ANKRD62: variants seen among roughly 807,000 people sequenced by gnomAD.
ANKRD62 encodes the protein ankyrin repeat domain-containing protein 62.
ANKRD62 carries 61 observed loss-of-function variants against 98.8 expected under a neutral mutation model. The observed-to-expected ratio is 0.62, with a 90% CI of 0.50 to 0.76. The LOEUF is 0.76. Ranked by LOEUF, ANKRD62 falls within the 30% of genes least tolerant of loss-of-function variation. The pLI is 0.00. For synonymous variants in ANKRD62, 341 were observed against 367.9 expected, an observed-to-expected ratio of 0.93 and a Z score of 0.84; for missense variants, 933 against 1,082.9, an observed-to-expected ratio of 0.86 and a Z score of 1.94.
the ANKRD62 span, among the ~76,000 whole-genome samples, chr18:12,141,140 G>A: frequency 4.6e-5 from 7 of 152,252 alleles, no homozygotes; most frequent in African/African-American, 1.4e-4. Flanking sequence ...TGTGGGCGTA[G>A]GACTCTCCGA....
In ANKRD62 at chr18:12,105,677, C is replaced by T. The variant is rs147304701; in HGVS notation, c.892-1618C>T. ...CTTATGAAAAGCTCTTACATAAAATCGGGTTATCTATATACATAATTGTGC... is the reference window on the plus strand; with the variant it reads ...CTTATGAAAAGCTCTTACATAAAATTGGGTTATCTATATACATAATTGTGC... On this transcript the variant is annotated intron_variant, in intron 7 of 13. Transcript: ENST00000587848. Among the ~76,000 whole-genome samples, 401 of 151,252 alleles carry T rather than the reference C, an allele frequency of 2.7e-3. 2 individuals carry two copies. Among genetic ancestry groups the T allele is most frequent in the African/African-American group, 8.9e-3 (368 of 41,196 alleles).
chr18:12,098,004 T>A (rs1355093060), intron 5 of ANKRD62, among the ~76,000 whole-genome samples: 1 of 152,324 alleles, frequency 6.6e-6, no homozygotes, highest in Non-Finnish European at 1.5e-5. Context: ...CTATGCTTAG[T>A]TATTCTGTGA....
the ANKRD62 span, among the ~76,000 whole-genome samples, chr18:12,146,495 G>A: frequency 6.6e-6 from 1 of 152,170 alleles, no homozygotes; most frequent in East Asian, 1.9e-4. Flanking sequence ...TCCCAGGCTG[G>A]AGTGCAGTGG....
At chr18:12,114,179 ATAAC>A (rs1909608975) in intron 8 of ANKRD62, among the ~76,000 whole-genome samples, 1 of 152,120 alleles carries the variant, frequency 6.6e-6, no homozygotes, top group Non-Finnish European at 1.5e-5. Flanking sequence ...ATCAGGAAGA[ATAAC>A]TAATGAGTAC....
Position 12,115,450 on chromosome 18 carries a change from A to C in ANKRD62, c.1156A>C (p.Lys386Gln). ...DLNDISGSSEKTSEDDELPYS... is the reference protein window; with the variant it reads ...DLNDISGSSEQTSEDDELPYS... Reference sequence around the variant, plus strand: ...TAATGACATAAGTGGGTCATCTGAAAAAACCTCAGAGGATGATGAGTTGCC... The same window carrying C: ...TAATGACATAAGTGGGTCATCTGAACAAACCTCAGAGGATGATGAGTTGCC... The change falls in exon 10 of 14, where the codon AAA becomes CAA. Residue 386 changes from lysine (K) to glutamine (Q), a missense_variant. Lys to Gln is a moderately conservative substitution (Grantham distance 53). Coordinates refer to ENST00000587848, the MANE Select transcript of ANKRD62 (RefSeq NM_001277333.2). The C allele has an allele frequency of 6.5e-7, 1 of 1,537,262 alleles. No homozygotes were observed. The highest frequency in any genetic ancestry group is 8.7e-7 in the Non-Finnish European group (1 of 1,146,628).
the ANKRD62 span, among the ~76,000 whole-genome samples, chr18:12,139,734 T>A: frequency 6.6e-6 from 1 of 152,150 alleles, no homozygotes; most frequent in Non-Finnish European, 1.5e-5. Context: ...TCTGATGGGC[T>A]TCCCTTTGTG....
chr18:12,108,463 C>T (rs1568061030), intron 8 of ANKRD62, among the ~76,000 whole-genome samples: 1 of 152,164 alleles, frequency 6.6e-6, no homozygotes, highest in East Asian at 1.9e-4. Context: ...GAAACAGCCT[C>T]CATGATCAAG....
the ANKRD62 span, among the ~76,000 whole-genome samples, chr18:12,136,028 G>A: frequency 2.0e-5 from 3 of 152,170 alleles, no homozygotes; most frequent in Non-Finnish European, 2.9e-5. Flanking sequence ...CTTTTGCTAT[G>A]CAGAAGCTCT....
At chr18:12,123,757 T>G (rs1909829273) in intron 11 of ANKRD62, among the ~76,000 whole-genome samples, 1 of 152,220 alleles carries the variant, frequency 6.6e-6, no homozygotes, top group Non-Finnish European at 1.5e-5. Context: ...TTATTTCTAG[T>G]GAAGGTATCA....
intron 13 of ANKRD62, among the ~76,000 whole-genome samples, chr18:12,126,702 A>G (rs1299881823): frequency 4.6e-5 from 7 of 152,240 alleles, no homozygotes; most frequent in African/African-American, 1.7e-4. Context: ...GCCACATTTT[A>G]GGATTACGAT....
chr18:12,108,973 G>A (rs1348426376), intron 8 of ANKRD62, among the ~76,000 whole-genome samples: 1 of 152,240 alleles, frequency 6.6e-6, no homozygotes, highest in African/African-American at 2.4e-5. Context: ...GCTCTGCAGG[G>A]TTCAGCCCTT....
intron 8 of ANKRD62, 129 bp downstream of exon 8, chr18:12,107,596 A>T: frequency 1.5e-6 from 1 of 682,516 alleles, no homozygotes; most frequent in East Asian, 3.5e-5. Context: ...TTGCCTGGTA[A>T]TCATAAAATG....
In ANKRD62 at chr18:12,101,906, T is replaced by G. The variant is rs1909307913; in HGVS notation, c.821-1252T>G. ...TCCACCAATGGACTTACCCTGTTATTTCTTCCTTATTGTGAGTTGAATGGC... is the reference window on the plus strand; with the variant it reads ...TCCACCAATGGACTTACCCTGTTATGTCTTCCTTATTGTGAGTTGAATGGC... On this transcript the variant is annotated intron_variant, in intron 6 of 13. Coordinates refer to ENST00000587848, the MANE Select transcript of ANKRD62 (RefSeq NM_001277333.2). 5.3e-6 allele frequency: 4 copies of G among 748,622 alleles called. No individual in the cohort carries two copies. The African/African-American group carries it at 6.8e-5, about 13-fold the overall frequency. The allele number at this position is 748,622 out of a possible 1,614,324, so 46.4% of individuals were successfully genotyped here.
rs140744998 is a variant in ANKRD62, at chr18:12,103,379, G to A, written c.891+151G>A. Among the ~76,000 whole-genome samples, 451 of 152,148 alleles carry A rather than the reference G, an allele frequency of 3.0e-3. 1 individual carries two copies. The highest frequency in any genetic ancestry group is 0.01 in the African/African-American group (417 of 41,540). Reference sequence around the variant, plus strand: ...ATTTTAACTGTTTATAAAATTTAAAGTGTTCTAAGAATCTACAGTGATTTT... The same window carrying A: ...ATTTTAACTGTTTATAAAATTTAAAATGTTCTAAGAATCTACAGTGATTTT... On this transcript the variant is annotated intron_variant, in intron 7 of 13. Coordinates refer to ENST00000587848, the MANE Select transcript of ANKRD62 (RefSeq NM_001277333.2).
At chr18:12,141,428 C>G in the ANKRD62 span, among the ~76,000 whole-genome samples, 1 of 152,200 alleles carries the variant, frequency 6.6e-6, no homozygotes, top group Non-Finnish European at 1.5e-5. Context: ...TCTTCTGTGT[C>G]GCTCACACTG....
the ANKRD62 span, among the ~76,000 whole-genome samples, chr18:12,150,377 CTATTTCAGTA>C: frequency 6.6e-6 from 1 of 152,186 alleles, no homozygotes; most frequent in African/African-American, 2.4e-5. Context: ...CTTGGAAAAC[CTATTTCAGTA>C]TATTGTCTAT....
Position 12,110,829 on chromosome 18 carries a change from A to G in ANKRD62, c.1064+3362A>G, listed in dbSNP as rs541538367. ...TTGTTCACTTGGCTTTCAGAATGTC[A>G]GTCACTCACCTAGATTTTCCTCCTG... On this transcript the variant is annotated intron_variant, in intron 8 of 13. Transcript: ENST00000587848. Among the ~76,000 whole-genome samples, 14 of 152,312 alleles carry G rather than the reference A, an allele frequency of 9.2e-5. No homozygotes were observed. In the South Asian group the frequency reaches 2.7e-3, roughly 29 times the overall value.
chr18:12,093,938 T>A lies in ANKRD62; in HGVS notation c.-80T>A. Reference sequence around the variant, plus strand: ...ACCTGGTTACGTGCTGGTGCTGCGCTCCAGAGAGGCAGAAAACGAGTGGGA... The same window carrying A: ...ACCTGGTTACGTGCTGGTGCTGCGCACCAGAGAGGCAGAAAACGAGTGGGA... On this transcript the variant is annotated 5_prime_UTR_variant, in exon 1 of 14. Transcript: ENST00000587848. 1 of 1,391,224 alleles carries A rather than the reference T, an allele frequency of 7.2e-7. No individual in the cohort carries two copies. The highest frequency in any genetic ancestry group is 2.5e-5 in the East Asian group (1 of 39,756). 86.2% of individuals were successfully genotyped at this position (1,391,224 alleles called of 1,614,324 possible). A position where few individuals can be genotyped will look rare whatever the true frequency, so the allele number is the denominator to read the frequency against.
At chr18:12,139,964 C>T in the ANKRD62 span, among the ~76,000 whole-genome samples, 1 of 152,332 alleles carries the variant, frequency 6.6e-6, no homozygotes, top group South Asian at 2.1e-4. Flanking sequence ...TTCCATTCTC[C>T]CTGTCACTTT....
Sources: gnomAD v4.1 joint callset for allele counts (sites outside exome capture counted in the v4.1 genomes callset) on GRCh38, gnomAD v4.1.1 for gene constraint, MANE v1.5 for transcripts, NCBI Gene and HGNC (gene_info 2026-07-23, HGNC 2026-07-21) for gene names.